The following TMPRSS6 variants were observed in gnomAD, a reference collection of about 807,000 sequenced individuals.
The protein encoded by TMPRSS6 is transmembrane protease serine 6.
TMPRSS6 carries 67 observed loss-of-function variants against 101.5 expected under a neutral mutation model. That is an observed-to-expected ratio of 0.66 (90% confidence interval 0.54 to 0.81). TMPRSS6 has a LOEUF of 0.81. Among genes scored for constraint, TMPRSS6 ranks in the 30% least tolerant of loss-of-function variants. The pLI is 0.00. For synonymous variants in TMPRSS6, 453 were observed against 464.9 expected (o/e 0.97, Z 0.33); for missense variants, 1,034 against 1,088.7 (o/e 0.95, Z 0.71).
intron 10 of TMPRSS6, chr22:37,083,875 T>G: frequency 2.4e-6 from 1 of 418,266 alleles, no homozygotes; most frequent in Non-Finnish European, 4.3e-6. Context: ...GGGTTCGTGA[T>G]AAGGGAGAGG....
rs754321694 is a variant in TMPRSS6, at chr22:37,069,109, A to G, written c.2077T>C (p.Cys693Arg). 5 of 1,557,696 alleles carry G rather than the reference A, an allele frequency of 3.2e-6. No homozygotes were observed. The African/African-American group carries it at 6.8e-5, about 21-fold the overall frequency. Residue 693 changes from cysteine (C) to arginine (R), a missense_variant, in exon 16 of 18, where the codon TGC (cysteine) becomes CGC (arginine). Transcript: ENST00000676104. This position sits in a 1 kb window ranked among gnomAD's most constrained non-coding sequence, Gnocchi z 4.8. The part of the protein sequence containing the change: ...RSHFFEPGLH[C>R]WITGWGALRE... ...AAGGCGCCCCAGCCCGTAATCCAGC[A>G]GTGCAGGCCGGGCTCGAAGAAGTGG...
chr22:37,105,350 T>C (rs747127544), intron 1 of TMPRSS6, among the ~76,000 whole-genome samples: 11 of 152,100 alleles, frequency 7.2e-5, no homozygotes, highest in Non-Finnish European at 1.6e-4. Flanking sequence ...CAGGGAATGG[T>C]AAATGGTAAA....
intron 10 of TMPRSS6, among the ~76,000 whole-genome samples, chr22:37,077,543 G>A (rs1035367271): frequency 1.3e-5 from 2 of 152,218 alleles, no homozygotes; most frequent in Non-Finnish European, 2.9e-5. Context: ...CTCATAAGGT[G>A]ACAGGCGAGT....
intron 6 of TMPRSS6, among the ~76,000 whole-genome samples, chr22:37,094,574 T>C (rs984105074): frequency 6.6e-6 from 1 of 151,910 alleles, no homozygotes; most frequent in Admixed American, 6.6e-5. Context: ...GATAGACAAA[T>C]AGATCAGTTT....
In TMPRSS6 at chr22:37,076,462, C is replaced by T. The variant is rs535474488; in HGVS notation, c.1197-1182G>A. 2.0e-5 allele frequency among the ~76,000 whole-genome samples: 3 copies of T among 152,286 alleles called. No individual in the cohort carries two copies. In the South Asian group the frequency reaches 6.2e-4, roughly 32 times the overall value. ...TGCCATACCACCACCAAGAAGATAC[C>T]GTTGTTCAAACAGAGCAGGTGGGGG... is the stretch of plus-strand genomic sequence containing the variant. On this transcript the variant is annotated intron_variant, in intron 10 of 17. Transcript: ENST00000676104.
In TMPRSS6 at chr22:37,103,934, G is replaced by A. The variant is rs1274181465; in HGVS notation, c.-1-516C>T. On this transcript the variant is annotated intron_variant, in intron 1 of 17. Coordinates refer to ENST00000676104, the MANE Select transcript of TMPRSS6 (RefSeq NM_001374504.1). This position sits in a 1 kb window ranked among gnomAD's most constrained non-coding sequence, Gnocchi z 4.4. ...ATCCCCTGAGCTGGCACTGCGCTGG[G>A]CCGGGGACCTGCCTTCCTTCACAGA... is the stretch of plus-strand genomic sequence containing the variant. Among the ~76,000 whole-genome samples, 2 of 152,198 alleles carry A rather than the reference G, an allele frequency of 1.3e-5. No homozygotes were observed. Among genetic ancestry groups the A allele is most frequent in the Non-Finnish European group, 2.9e-5 (2 of 68,044 alleles).
intron 2 of TMPRSS6, among the ~76,000 whole-genome samples, chr22:37,100,220 G>A (rs952183244): frequency 6.6e-6 from 1 of 152,278 alleles, no homozygotes; most frequent in African/African-American, 2.4e-5. Flanking sequence ...ATCTGCCTCG[G>A]CCTCCCAAAG....
In TMPRSS6 at chr22:37,069,184, G is replaced by C. The variant is rs751813241; in HGVS notation, c.2002C>G (p.Pro668Ala). 4 of 1,595,268 alleles carry C rather than the reference G, an allele frequency of 2.5e-6. No individual in the cohort carries two copies. In the African/African-American group the frequency reaches 5.4e-5, roughly 21 times the overall value. The change falls in exon 16 of 18, where the codon CCG (proline) becomes GCG (alanine). Residue 668 changes from proline to alanine, a missense_variant. Pro to Ala is a conservative substitution (Grantham distance 27). Coordinates refer to ENST00000676104, the MANE Select transcript of TMPRSS6 (RefSeq NM_001374504.1). The surrounding 1 kb of genome is among the most constrained non-coding windows in gnomAD (Gnocchi z 4.8). Reference sequence around the variant, plus strand: ...CGCACGGCGGCCGAGCGCACCACCGGGTGGTCGAGCTGCAGCAGCGCCACG... The same window carrying C: ...CGCACGGCGGCCGAGCGCACCACCGCGTGGTCGAGCTGCAGCAGCGCCACG... ...YDVALLQLDH[P>A]VVRSAAVRPV...
intron 10 of TMPRSS6, among the ~76,000 whole-genome samples, chr22:37,083,624 G>A (rs577645162): frequency 6.6e-6 from 1 of 152,376 alleles, no homozygotes; most frequent in African/African-American, 2.4e-5. Flanking sequence ...CAGGCCCAGT[G>A]GGCACCTACT....
chr22:37,103,575 C>T lies in TMPRSS6; in HGVS notation c.-1-157G>A, dbSNP rs1403964778. On this transcript the variant is annotated intron_variant, in intron 1 of 17. Transcript: ENST00000676104. This position sits in a 1 kb window ranked among gnomAD's most constrained non-coding sequence, Gnocchi z 4.4. ...TGACTGCAAGTGGGTGCCGAGACAGCTCACAGAGGAGGGAAGTGCATCTCA... is the reference window on the plus strand; with the variant it reads ...TGACTGCAAGTGGGTGCCGAGACAGTTCACAGAGGAGGGAAGTGCATCTCA... 6.2e-7 allele frequency: 1 copy of T among 1,613,336 alleles called. No homozygotes were observed. The highest frequency in any genetic ancestry group is 1.3e-5 in the African/African-American group (1 of 74,932).
At chr22:37,084,689 C>T (rs1181578111) in intron 9 of TMPRSS6, 38 bp downstream of exon 9, 40 of 1,502,602 alleles carry the variant, frequency 2.7e-5, no homozygotes, top group Middle Eastern at 2.3e-4. Context: ...AGTGTGCTTG[C>T]GGCAGAGGGC....
Position 37,089,603 on chromosome 22 carries a change from G to T in TMPRSS6, c.811C>A (p.Pro271Thr). Reference sequence around the variant, plus strand: ...GAGGTGATGAGCCTCTTCTCCAGGGGCCCGGCCACGTCATACATGGCCAGT... The same window carrying T: ...GAGGTGATGAGCCTCTTCTCCAGGGTCCCGGCCACGTCATACATGGCCAGT... ...DRLAMYDVAG[P>T]LEKRLITSVY... is the part of the protein sequence containing the mutation. Residue 271 changes from proline to threonine, a missense_variant, in exon 7 of 18, where the codon CCC (proline) becomes ACC (threonine). By Grantham distance (38) the Pro-to-Thr change is conservative. Coordinates refer to ENST00000676104, the MANE Select transcript of TMPRSS6 (RefSeq NM_001374504.1). 6.2e-7 allele frequency: 1 copy of T among 1,611,950 alleles called. No homozygotes were observed. The highest frequency in any genetic ancestry group is 8.5e-7 in the Non-Finnish European group (1 of 1,179,442).
chr22:37,095,276 C>T (rs530704304), intron 6 of TMPRSS6, among the ~76,000 whole-genome samples: 24 of 152,260 alleles, frequency 1.6e-4, no homozygotes, highest in African/African-American at 5.8e-4. Context: ...GACCACTAAA[C>T]CTGACTCATC....
chr22:37,084,078 G>C (rs538609868), intron 10 of TMPRSS6: 13 of 614,118 alleles, frequency 2.1e-5, no homozygotes, highest in Non-Finnish European at 3.9e-5. Flanking sequence ...TGAGACCTCT[G>C]GGGTAGCCAG....
rs750360900 is a variant in TMPRSS6 at position 37,069,194 on chromosome 22, C to T, written c.1992G>A (p.Gln664=). Residue 664 remains glutamine, a synonymous_variant, in exon 16 of 18, where the codon CAG becomes CAA. Transcript: ENST00000676104. The surrounding 1 kb of genome is among the most constrained non-coding windows in gnomAD (Gnocchi z 4.8). The stretch of plus-strand genomic sequence containing the variant: ...CCGAGCGCACCACCGGGTGGTCGAG[C>T]TGCAGCAGCGCCACGTCGTAGTCAT... ...DSHDYDVALL[Q]LDHPVVRSAA... The T allele has an allele frequency of 7.5e-6, 12 of 1,600,586 alleles. No homozygotes were observed. The East Asian group carries it at 9.1e-5, about 12-fold the overall frequency.
At chr22:37,073,436 G>A in intron 13 of TMPRSS6, 96 bp downstream of exon 13, 1 of 751,064 alleles carries the variant, frequency 1.3e-6, no homozygotes, top group Non-Finnish European at 2.4e-6. Flanking sequence ...GGGTTGGTGG[G>A]TGTTGAGAGG....
chr22:37,090,857 G>C (rs1929198675), intron 6 of TMPRSS6, among the ~76,000 whole-genome samples: 1 of 152,224 alleles, frequency 6.6e-6, no homozygotes, highest in South Asian at 2.1e-4. Flanking sequence ...TCAGGTGGGT[G>C]TGAGGGAGAC....
rs201035118 is a variant in TMPRSS6 at position 37,095,506 on chromosome 22, G to A, written c.631+45C>T. ...GATACACAACAAAGTCAAGACAAAT[G>A]CCAACTCAAAAGGAAAATGGGGAGG... On this transcript the variant is annotated intron_variant, in intron 6 of 17. Coordinates refer to ENST00000676104, the MANE Select transcript of TMPRSS6 (RefSeq NM_001374504.1). The A allele has an allele frequency of 3.1e-4, 501 of 1,609,148 alleles. 1 individual carries two copies. The African/African-American group carries it at 5.2e-3, about 17-fold the overall frequency.
At position 37,069,617 on chromosome 22, in the gene TMPRSS6, A is replaced by G. The variant is rs1362035947; in HGVS notation, c.1842-273T>C. Among the ~76,000 whole-genome samples the G allele has an allele frequency of 2.0e-5, 3 of 152,196 alleles. No individual in the cohort carries two copies. The highest frequency in any genetic ancestry group is 4.4e-5 in the Non-Finnish European group (3 of 68,016). On this transcript the variant is annotated intron_variant, in intron 15 of 17. Coordinates refer to ENST00000676104, the MANE Select transcript of TMPRSS6 (RefSeq NM_001374504.1). The surrounding 1 kb of genome is among the most constrained non-coding windows in gnomAD (Gnocchi z 4.8). ...TCTGCCACCTCATCTGCAAATGGGA[A>G]TGGCATTTTCTACTCGAATGTTCTT...
Sources: allele counts gnomAD v4.1 joint callset (sites outside exome capture counted in the v4.1 genomes callset), GRCh38; gene constraint gnomAD v4.1.1; non-coding constraint Gnocchi (gnomAD v3.1); transcripts MANE v1.5; gene names NCBI Gene and HGNC (gene_info 2026-07-23, HGNC 2026-07-21).